PITPNM3: variants seen among roughly 807,000 people sequenced by gnomAD.
The protein encoded by PITPNM3 is membrane-associated phosphatidylinositol transfer protein 3.
A neutral mutation model predicts 102.0 loss-of-function variants in PITPNM3; 26 were observed. The observed-to-expected ratio is 0.25, with a 90% confidence interval of 0.19 to 0.35. The LOEUF is 0.35. Among genes scored for constraint, PITPNM3 ranks in the 10% least tolerant of loss-of-function variants. The pLI is 1.00. For synonymous variants in PITPNM3, 578 were observed against 558.6 expected (o/e 1.03, Z -0.49); for missense variants, 1,083 against 1,346.1 (o/e 0.80, Z 3.06).
chr17:6,501,200 G>A (rs1371401509), intron 4 of PITPNM3, among the ~76,000 whole-genome samples: 1 of 152,188 alleles, frequency 6.6e-6, no homozygotes, highest in Non-Finnish European at 1.5e-5. Flanking sequence ...CTCTGGCCAG[G>A]TGCTCAGAAG....
chr17:6,546,091 G>T (rs1232028394), intron 1 of PITPNM3, among the ~76,000 whole-genome samples: 1 of 152,252 alleles, frequency 6.6e-6, no homozygotes. Context: ...GCCTTGAAGG[G>T]GGGCTGTCCA....
intron 1 of PITPNM3, among the ~76,000 whole-genome samples, chr17:6,540,423 A>G (rs897300216): frequency 2.0e-5 from 3 of 152,188 alleles, no homozygotes; most frequent in African/African-American, 7.2e-5. Context: ...TAAAGAACAG[A>G]CAGACTTGAA....
intron 1 of PITPNM3, among the ~76,000 whole-genome samples, chr17:6,546,964 G>A (rs1910052422): frequency 6.6e-6 from 1 of 151,822 alleles, no homozygotes; most frequent in East Asian, 1.9e-4. Flanking sequence ...CTGAGATCGT[G>A]CCATTGCACT....
chr17:6,464,506 C>T (rs1904661391), intron 15 of PITPNM3, 149 bp downstream of exon 15: 2 of 1,060,114 alleles, frequency 1.9e-6, no homozygotes, highest in Non-Finnish European at 2.8e-6. Context: ...CCTTCCCGGC[C>T]CGCCCAAGCA....
chr17:6,505,345 T>C (rs1222249922), intron 3 of PITPNM3, among the ~76,000 whole-genome samples: 1 of 152,086 alleles, frequency 6.6e-6, no homozygotes, highest in Non-Finnish European at 1.5e-5. Flanking sequence ...GTCTTCATCA[T>C]GATCCCAGGT....
chr17:6,484,525 G>A lies in PITPNM3; in HGVS notation c.275-233C>T, dbSNP rs536768805. 2.0e-4 allele frequency among the ~76,000 whole-genome samples: 31 copies of A among 152,330 alleles called. No individual in the cohort carries two copies. The South Asian group carries it at 4.8e-3, about 23-fold the overall frequency. On this transcript the variant is annotated intron_variant, in intron 4 of 19. Transcript: ENST00000262483. ...GGGAGGGTGGCAGAGTGAGGCCATC[G>A]CGGATGGTGCTCCTGAAAGGAGGGG...
intron 1 of PITPNM3, among the ~76,000 whole-genome samples, chr17:6,552,303 A>G (rs184401004): frequency 2.5e-3 from 374 of 152,072 alleles, no homozygotes; most frequent in Non-Finnish European, 4.0e-3. Flanking sequence ...TAACCTGGGG[A>G]CCTGGCCCCC....
chr17:6,496,467 C>T (rs555692825), intron 4 of PITPNM3, among the ~76,000 whole-genome samples: 61 of 152,318 alleles, frequency 4.0e-4, no homozygotes, highest in African/African-American at 1.4e-3. Flanking sequence ...TGCCCCGTGA[C>T]CAGATAATTC....
chr17:6,556,436 C>A lies in PITPNM3; in HGVS notation c.-30G>T. 8.0e-7 allele frequency: 1 copy of A among 1,250,920 alleles called. No homozygotes were observed. Among genetic ancestry groups the A allele is most frequent in the South Asian group, 2.6e-5 (1 of 38,882 alleles). 77.5% of individuals were successfully genotyped at this position (1,250,920 alleles called of 1,614,324 possible). A position where few individuals can be genotyped will look rare whatever the true frequency, so the allele number is the denominator to read the frequency against. On this transcript the variant is annotated 5_prime_UTR_variant, in exon 1 of 20. Transcript: ENST00000262483. This position sits in a 1 kb window ranked among gnomAD's most constrained non-coding sequence, Gnocchi z 5.2. The stretch of plus-strand genomic sequence containing the variant: ...CGGGCGGCGGGCTCCGGCGGCGCTA[C>A]GCGCGCTCCTCGCGCTTCCCGGGCC...
At chr17:6,544,654 T>TCTCTCTCACACACA (rs376230474) in intron 1 of PITPNM3, among the ~76,000 whole-genome samples, 47 of 130,268 alleles carry the variant, frequency 3.6e-4, no homozygotes, top group South Asian at 1.9e-3. Flanking sequence ...TCTCTCTCTC[T>TCTCTCTCACACACA]CACACACACA....
chr17:6,473,358 C>A (rs538759343), intron 10 of PITPNM3: 1 of 206,674 alleles, frequency 4.8e-6, no homozygotes, highest in Non-Finnish European at 9.9e-6. Context: ...TCCACCTCAT[C>A]GGCGGGCCTC....
intron 9 of PITPNM3, among the ~76,000 whole-genome samples, chr17:6,474,925 A>G (rs1351642182): frequency 6.6e-6 from 1 of 152,222 alleles, no homozygotes; most frequent in Non-Finnish European, 1.5e-5. Flanking sequence ...GCCCATGGAC[A>G]GTGATTAAAT....
In PITPNM3 at chr17:6,453,638, C is replaced by G. The variant is rs1396505341; in HGVS notation, c.*1700G>C. The G allele has an allele frequency of 6.6e-6, 1 of 152,336 alleles. No individual in the cohort carries two copies. The highest frequency in any genetic ancestry group is 2.4e-5 in the African/African-American group (1 of 41,454). The allele number at this position is 152,336 out of a possible 1,614,324, so 9.4% of individuals were successfully genotyped here. A position where few individuals can be genotyped will look rare whatever the true frequency, so the allele number is the denominator to read the frequency against. ...ATGGGGGTTAGGAGCCCAGACCCCTCCAGCCCCAGGAGGGCACCCAATTTG... is the reference window on the plus strand; with the variant it reads ...ATGGGGGTTAGGAGCCCAGACCCCTGCAGCCCCAGGAGGGCACCCAATTTG... On this transcript the variant is annotated 3_prime_UTR_variant, in exon 20 of 20. Coordinates refer to ENST00000262483, the MANE Select transcript of PITPNM3 (RefSeq NM_031220.4).
chr17:6,460,379 C>T (rs1233137173), intron 18 of PITPNM3, among the ~76,000 whole-genome samples: 1 of 152,254 alleles, frequency 6.6e-6, no homozygotes, highest in African/African-American at 2.4e-5. Flanking sequence ...GCTAAAAGGG[C>T]CTTTTTCAAC....
rs773861801 is a variant in PITPNM3 at position 6,468,206 on chromosome 17, G to C, written c.1890+19C>G. On this transcript the variant is annotated intron_variant, in intron 14 of 19. Transcript: ENST00000262483. This position sits in a 1 kb window ranked among gnomAD's most constrained non-coding sequence, Gnocchi z 5.2. ...GGAGGACACAGTCCCAGCCACATGC[G>C]AACTGAGCATGCACGCACCCTCAGC... 8 of 1,608,578 alleles carry C rather than the reference G, an allele frequency of 5.0e-6. No individual in the cohort carries two copies. Among genetic ancestry groups the C allele is most frequent in the South Asian group, 3.3e-5 (3 of 90,936 alleles).
Position 6,536,304 on chromosome 17 carries a change from G to C in PITPNM3, c.118+1683C>G, listed in dbSNP as rs1046432224. On this transcript the variant is annotated intron_variant, in intron 2 of 19. Transcript: ENST00000262483. ...GCCCGAAGGGATAGAGCTGACCCTC[G>C]CGCCACCCACAGATGCCTCTGTCGT... Among the ~76,000 whole-genome samples the C allele has an allele frequency of 5.9e-5, 9 of 152,168 alleles. 1 individual carries two copies. Among genetic ancestry groups the C allele is most frequent in the Admixed American group, 5.2e-4 (8 of 15,282 alleles).
intron 2 of PITPNM3, among the ~76,000 whole-genome samples, chr17:6,530,197 T>C (rs2007492): frequency 0.31 from 46,721 of 152,066 alleles, 8,154 homozygotes; most frequent in South Asian, 0.46. Flanking sequence ...AGGACACATA[T>C]CATTTTCTTC....
chr17:6,508,087 T>G (rs1453193353), intron 3 of PITPNM3, among the ~76,000 whole-genome samples: 2 of 151,840 alleles, frequency 1.3e-5, no homozygotes, highest in African/African-American at 4.8e-5. Context: ...TTGCTGGGAA[T>G]GCAGAGTTCA....
intron 3 of PITPNM3, among the ~76,000 whole-genome samples, chr17:6,523,882 G>A (rs1237849679): frequency 6.6e-6 from 1 of 152,208 alleles, no homozygotes; most frequent in Non-Finnish European, 1.5e-5. Flanking sequence ...GCCTGACTTT[G>A]TTGGGGCCCA....
Sources: allele counts gnomAD v4.1 joint callset (sites outside exome capture counted in the v4.1 genomes callset), GRCh38; gene constraint gnomAD v4.1.1; non-coding constraint Gnocchi (gnomAD v3.1); transcripts MANE v1.5; gene names NCBI Gene and HGNC (gene_info 2026-07-23, HGNC 2026-07-21).